Variants in OLA1 observed in about 807,000 individuals in gnomAD.
The protein encoded by OLA1 is obg-like ATPase 1.
OLA1 carries 14 observed loss-of-function variants against 48.4 expected under a neutral mutation model. The ratio of observed to expected loss-of-function variants is 0.29; its 90% confidence interval spans 0.19 to 0.45. The LOEUF (loss-of-function observed/expected upper bound fraction) is 0.45. Among genes scored for constraint, OLA1 ranks in the 20% least tolerant of loss-of-function variants. The probability of loss-of-function intolerance (pLI) is 1.00; values close to 1 mark genes in which losing one functional copy is unlikely to be tolerated. For synonymous variants in OLA1, 127 were observed against 150.4 expected (o/e 0.84, Z 1.14); for missense variants, 325 against 467.1 (o/e 0.70, Z 2.80).
At chr2:174,146,280 G>A (rs981623997) in intron 4 of OLA1, among the ~76,000 whole-genome samples, 7 of 152,134 alleles carry the variant, frequency 4.6e-5, no homozygotes, top group African/African-American at 1.7e-4. Context: ...CAAAGGGAAG[G>A]CAGGGTGATA....
intron 4 of OLA1, among the ~76,000 whole-genome samples, chr2:174,154,737 C>G (rs1686831992): frequency 6.6e-6 from 1 of 152,036 alleles, no homozygotes; most frequent in South Asian, 2.1e-4. Context: ...CAGAAATTAA[C>G]AAAAACTAGA....
At chr2:174,133,406 G>C (rs1364527677) in intron 5 of OLA1, among the ~76,000 whole-genome samples, 1 of 152,142 alleles carries the variant, frequency 6.6e-6, no homozygotes, top group African/African-American at 2.4e-5. Context: ...TCTCACCCAG[G>C]CTGGAGTGCA....
chr2:174,082,039 C>T lies in OLA1; in HGVS notation c.754G>A (p.Asp252Asn). ...KWLIKIKEWV[D>N]KYDPGALVIP... Reference sequence around the variant, plus strand: ...ACCAAAGCACCTGGGTCATACTTGTCCACCCACTCTTTAATTTTTATCAAC... The same window carrying T: ...ACCAAAGCACCTGGGTCATACTTGTTCACCCACTCTTTAATTTTTATCAAC... The change falls in exon 8 of 11, where the codon GAC becomes AAC. Residue 252 changes from aspartate (D) to asparagine (N), a missense_variant. Coordinates refer to ENST00000284719, the MANE Select transcript of OLA1 (RefSeq NM_013341.5). The T allele has an allele frequency of 6.2e-7, 1 of 1,613,382 alleles. No individual in the cohort carries two copies. The highest frequency in any genetic ancestry group is 2.2e-5 in the East Asian group (1 of 44,854).
chr2:174,149,993 T>G lies in OLA1; in HGVS notation c.374-7993A>C, dbSNP rs547336128. 7.2e-5 allele frequency among the ~76,000 whole-genome samples: 11 copies of G among 152,320 alleles called. No individual in the cohort carries two copies. In the East Asian group the frequency reaches 2.1e-3, roughly 29 times the overall value. ...AAGAATCCCTAGATAGACATAGAAA[T>G]ACATGATGTATTGAAGAGTAGAGGC... On this transcript the variant is annotated intron_variant, in intron 4 of 10. Transcript: ENST00000284719.
At chr2:174,174,753 CA>C (rs1363576644) in intron 4 of OLA1, among the ~76,000 whole-genome samples, 1 of 151,876 alleles carries the variant, frequency 6.6e-6, no homozygotes, top group African/African-American at 2.4e-5. Flanking sequence ...GAAATTCCAG[CA>C]AGCTTTTTTT....
In OLA1 at chr2:174,123,081, T is replaced by C. The variant is rs924878237; in HGVS notation, c.728+99A>G. On this transcript the variant is annotated intron_variant, in intron 7 of 10. Coordinates refer to ENST00000284719, the MANE Select transcript of OLA1 (RefSeq NM_013341.5). The stretch of plus-strand genomic sequence containing the variant: ...AAACTTTTTAATAAGGAGAAAAATA[T>C]TAAAATTAAACATTGCCGTTAAGTA... The C allele has an allele frequency of 6.5e-6, 4 of 612,658 alleles. No homozygotes were observed. In the East Asian group the frequency reaches 1.3e-4, roughly 21 times the overall value. 38.0% of individuals were successfully genotyped at this position (612,658 alleles called of 1,614,324 possible). A position where few individuals can be genotyped will look rare whatever the true frequency, so the allele number is the denominator to read the frequency against.
chr2:174,081,277 A>T (rs775088527), intron 8 of OLA1, 29 bp from the exon 9 acceptor site: 3 of 1,547,662 alleles, frequency 1.9e-6, no homozygotes, highest in Middle Eastern at 2.3e-4. Flanking sequence ...AATTCACCCA[A>T]CACATAAGTT....
intron 7 of OLA1, among the ~76,000 whole-genome samples, chr2:174,116,447 T>A (rs777735080): frequency 9.2e-5 from 14 of 152,214 alleles, no homozygotes; most frequent in Non-Finnish European, 4.4e-5. Context: ...GATATGCCAA[T>A]TCACTTTGCT....
intron 4 of OLA1, among the ~76,000 whole-genome samples, chr2:174,214,491 C>T (rs1228347505): frequency 6.6e-6 from 1 of 152,116 alleles, no homozygotes; most frequent in East Asian, 1.9e-4. Context: ...ACTGGGACTG[C>T]TGGAAATACA....
At chr2:174,190,022 C>T (rs771112757) in intron 4 of OLA1, among the ~76,000 whole-genome samples, 9 of 152,064 alleles carry the variant, frequency 5.9e-5, no homozygotes, top group Non-Finnish European at 1.0e-4. Context: ...GCTGTGGAGG[C>T]CCTCCAGGAG....
At chr2:174,077,546 T>C (rs754157365) in intron 10 of OLA1, among the ~76,000 whole-genome samples, 4 of 152,094 alleles carry the variant, frequency 2.6e-5, no homozygotes, top group Admixed American at 6.6e-5. Context: ...GTATCCTAGG[T>C]GAAAATGTCA....
At chr2:174,171,492 G>T (rs180836996) in intron 4 of OLA1, among the ~76,000 whole-genome samples, 1 of 152,116 alleles carries the variant, frequency 6.6e-6, no homozygotes, top group African/African-American at 2.4e-5. Context: ...CAAATACTTG[G>T]AAATACACAA....
chr2:174,124,219 A>ACCCCCCACCCCCCCCCCCCCCCCACCC (rs1685990056), intron 5 of OLA1: 1 of 141,256 alleles, frequency 7.1e-6, no homozygotes, highest in Non-Finnish European at 1.5e-5. Flanking sequence ...CACCCCCAAT[A>ACCCCCCACCCCCCCCCCCCCCCCACCC]CCCCCAACTC....
intron 4 of OLA1, among the ~76,000 whole-genome samples, chr2:174,193,342 G>A (rs755613258): frequency 3.3e-5 from 5 of 152,030 alleles, no homozygotes; most frequent in East Asian, 1.9e-4. Flanking sequence ...CACCCACCTC[G>A]GCCTCCCAAA....
At chr2:174,133,681 C>T (rs191793537) in intron 5 of OLA1, among the ~76,000 whole-genome samples, 40 of 152,292 alleles carry the variant, frequency 2.6e-4, no homozygotes, top group African/African-American at 8.9e-4. Flanking sequence ...GTAACCCCAA[C>T]GTAAGTCCAG....
chr2:174,119,065 T>C (rs1181692915), intron 7 of OLA1, among the ~76,000 whole-genome samples: 1 of 151,880 alleles, frequency 6.6e-6, no homozygotes, highest in African/African-American at 2.4e-5. Context: ...TAAAAATATA[T>C]TCAAATGCAA....
chr2:174,237,627 C>A (rs1203183540), intron 2 of OLA1, among the ~76,000 whole-genome samples: 1 of 152,020 alleles, frequency 6.6e-6, no homozygotes, highest in African/African-American at 2.4e-5. Flanking sequence ...TGGCGTGTGC[C>A]TGTAGTCACA....
chr2:174,110,400 C>T (rs2105358629), intron 7 of OLA1, among the ~76,000 whole-genome samples: 1 of 150,506 alleles, frequency 6.6e-6, no homozygotes, highest in East Asian at 2.0e-4. Context: ...GATGTGCCCA[C>T]CTCGGCCTCC....
At chr2:174,117,389 G>A (rs949999609) in intron 7 of OLA1, among the ~76,000 whole-genome samples, 1 of 152,086 alleles carries the variant, frequency 6.6e-6, no homozygotes, top group Non-Finnish European at 1.5e-5. Flanking sequence ...AAAGACCATA[G>A]CACTTGTATT....
Sources: allele counts gnomAD v4.1 joint callset (sites outside exome capture counted in the v4.1 genomes callset), GRCh38; gene constraint gnomAD v4.1.1; transcripts MANE v1.5; gene names NCBI Gene and HGNC (gene_info 2026-07-23, HGNC 2026-07-21).